Variants in MPP4 observed in about 807,000 individuals in gnomAD.
The protein encoded by MPP4 is MAGUK p55 scaffold protein 4.
A neutral mutation model predicts 98.3 loss-of-function variants in MPP4; 91 were observed. The ratio of observed to expected loss-of-function variants is 0.93; its 90% CI spans 0.78 to 1.10. The LOEUF is 1.10. Ranked by LOEUF, MPP4 falls within the 50% of genes least tolerant of loss-of-function variation. The probability of loss-of-function intolerance (pLI) is 0.00; values close to 1 mark genes in which losing one functional copy is unlikely to be tolerated. For synonymous variants in MPP4, 261 were observed against 271.8 expected, an observed-to-expected ratio of 0.96 and a Z score of 0.39; for missense variants, 744 against 792.9, an observed-to-expected ratio of 0.94 and a Z score of 0.74.
At chr2:201,675,571 A>G (rs1319506530) in intron 10 of MPP4, among the ~76,000 whole-genome samples, 1 of 152,210 alleles carries the variant, frequency 6.6e-6, no homozygotes, top group African/African-American at 2.4e-5. Flanking sequence ...GACCCGTGGT[A>G]AGCTGCCTCT....
intron 21 of MPP4, among the ~76,000 whole-genome samples, chr2:201,646,080 T>C (rs1382026877): frequency 6.6e-6 from 1 of 152,242 alleles, no homozygotes; most frequent in Non-Finnish European, 1.5e-5. Flanking sequence ...TTAGTCTTAA[T>C]GTCTCGTCAT....
intron 10 of MPP4, among the ~76,000 whole-genome samples, chr2:201,678,692 T>C (rs1382329192): frequency 6.6e-6 from 1 of 152,172 alleles, no homozygotes; most frequent in African/African-American, 2.4e-5. Flanking sequence ...CAGCACATCC[T>C]TGTGTATAGC....
At chr2:201,672,772 C>CAA (rs145673363) in intron 11 of MPP4, among the ~76,000 whole-genome samples, 165 of 151,562 alleles carry the variant, frequency 1.1e-3, no homozygotes, top group Middle Eastern at 3.4e-3. Context: ...GCCTACCAAC[C>CAA]AAAAAAAAGC....
rs1048505770 is a variant in MPP4, at chr2:201,650,582, C to G, written c.1382-417G>C. The G allele has an allele frequency of 4.4e-5, 43 of 985,256 alleles. No individual in the cohort carries two copies. The African/African-American group carries it at 7.0e-4, about 16-fold the overall frequency. 61.0% of individuals were successfully genotyped at this position (985,256 alleles called of 1,614,324 possible). On this transcript the variant is annotated intron_variant, in intron 18 of 21. Transcript: ENST00000409474. Reference sequence around the variant, plus strand: ...CTTCCACACTCTTACCTTAGGTAAACTGTTAATATCTATATTTTACTCATA... The same window carrying G: ...CTTCCACACTCTTACCTTAGGTAAAGTGTTAATATCTATATTTTACTCATA...
At chr2:201,694,382 G>C (rs2105951868) in intron 1 of MPP4, among the ~76,000 whole-genome samples, 1 of 152,066 alleles carries the variant, frequency 6.6e-6, no homozygotes, top group South Asian at 2.1e-4. Context: ...GTCTTGCGTG[G>C]ACCAGCTCCA....
chr2:201,686,124 ACTAT>A, intron 5 of MPP4, 74 bp from the exon 6 acceptor site: 7 of 1,516,642 alleles, frequency 4.6e-6, no homozygotes, highest in Middle Eastern at 1.9e-4. Flanking sequence ...GTAACTCAAT[ACTAT>A]CTAAGACACA....
At chr2:201,692,543 CA>C (rs10618429) in intron 3 of MPP4, among the ~76,000 whole-genome samples, 14,101 of 129,538 alleles carry the variant, frequency 0.11, 642 homozygotes, top group South Asian at 0.16. Context: ...GACTCTGTCT[CA>C]AAAAAAAAAA....
intron 1 of MPP4, among the ~76,000 whole-genome samples, chr2:201,695,127 C>G (rs578089415): frequency 9.2e-5 from 14 of 152,186 alleles, no homozygotes; most frequent in African/African-American, 3.4e-4. Flanking sequence ...GGCAGCCTTG[C>G]TCCACGAAGT....
At chr2:201,678,008 C>T (rs1254926337) in intron 10 of MPP4, among the ~76,000 whole-genome samples, 1 of 152,178 alleles carries the variant, frequency 6.6e-6, no homozygotes, top group Non-Finnish European at 1.5e-5. Context: ...GTCCGAGGTG[C>T]CTTCCATTAT....
At chr2:201,664,239 G>T in intron 13 of MPP4, 138 bp from the exon 14 acceptor site, 10 of 1,489,966 alleles carry the variant, frequency 6.7e-6, no homozygotes, top group South Asian at 1.2e-5. Context: ...CTAAATCAAG[G>T]TCGAATCGAT....
At chr2:201,668,446 C>T (rs1256555583) in intron 12 of MPP4, among the ~76,000 whole-genome samples, 1 of 142,564 alleles carries the variant, frequency 7.0e-6, no homozygotes, top group Non-Finnish European at 1.5e-5. Context: ...CGATCTCTCT[C>T]TCTTTCTCTT....
At position 201,675,188 on chromosome 2, in the gene MPP4, G is replaced by A. The variant is rs774171752; in HGVS notation, c.994+19C>T. ...TTATTGCAAACAGGAAGAACCTGTC[G>A]GGCAGTTGCAATACTCACATAGGGT... On this transcript the variant is annotated intron_variant, in intron 11 of 21. Coordinates refer to ENST00000409474, the MANE Select transcript of MPP4 (RefSeq NM_033066.3). 15 of 1,598,032 alleles carry A rather than the reference G, an allele frequency of 9.4e-6. No individual in the cohort carries two copies. The highest frequency in any genetic ancestry group is 6.8e-5 in the East Asian group (3 of 44,322).
Position 201,698,575 on chromosome 2 carries a change from A to C in MPP4, c.-101+12T>G. On this transcript the variant is annotated intron_variant, in intron 1 of 21. Coordinates refer to ENST00000409474, the MANE Select transcript of MPP4 (RefSeq NM_033066.3). The stretch of plus-strand genomic sequence containing the variant: ...TTCTGGTAACTGAGGATTATTTGCC[A>C]AGGTCTCTTACCTGCAAGACTGTAA... 1 of 1,303,634 alleles carries C rather than the reference A, an allele frequency of 7.7e-7. No homozygotes were observed. The highest frequency in any genetic ancestry group is 1.0e-6 in the Non-Finnish European group (1 of 988,696). 80.8% of individuals were successfully genotyped at this position (1,303,634 alleles called of 1,614,324 possible).
At chr2:201,686,960 AG>A (rs1330316716) in intron 5 of MPP4, among the ~76,000 whole-genome samples, 2 of 152,370 alleles carry the variant, frequency 1.3e-5, no homozygotes, top group African/African-American at 2.4e-5. Context: ...CACTTTGGAA[AG>A]GAAGCATGGA....
intron 20 of MPP4, 56 bp from the exon 21 acceptor site, chr2:201,647,881 G>A: frequency 6.6e-7 from 1 of 1,512,838 alleles, no homozygotes; most frequent in East Asian, 2.5e-5. Flanking sequence ...TTTGAGACAT[G>A]GTCTTGCTCT....
chr2:201,654,137 A>G (rs1032849721), intron 18 of MPP4, among the ~76,000 whole-genome samples: 12 of 152,018 alleles, frequency 7.9e-5, no homozygotes, highest in Admixed American at 7.2e-4. Flanking sequence ...CACCACACCC[A>G]GCTAATTTTT....
chr2:201,693,914 T>C lies in MPP4; in HGVS notation c.41A>G (p.Lys14Arg). ...SDKGADPPDK[K>R]DMKLSTATNP... The stretch of plus-strand genomic sequence containing the variant: ...GGTGGCTGTAGAAAGCTTCATGTCC[T>C]TCTTGTCTGGTGGATCTGCTCCTTT... Residue 14 changes from lysine (K) to arginine (R), a missense_variant, in exon 2 of 22, where the codon AAG becomes AGG. Coordinates refer to ENST00000409474, the MANE Select transcript of MPP4 (RefSeq NM_033066.3). The C allele has an allele frequency of 6.2e-7, 1 of 1,614,024 alleles. No individual in the cohort carries two copies. Among genetic ancestry groups the C allele is most frequent in the South Asian group, 1.1e-5 (1 of 91,090 alleles).
chr2:201,678,672 C>T (rs1337913499), intron 10 of MPP4, among the ~76,000 whole-genome samples: 1 of 152,122 alleles, frequency 6.6e-6, no homozygotes, highest in Non-Finnish European at 1.5e-5. Context: ...TGGCTCGCGT[C>T]ACATGGCTCC....
Position 201,654,900 on chromosome 2 carries a change from C to T in MPP4, c.1318G>A (p.Val440Ile), listed in dbSNP as rs771833495. The T allele has an allele frequency of 1.2e-6, 2 of 1,604,148 alleles. No homozygotes were observed. Among genetic ancestry groups the T allele is most frequent in the East Asian group, 4.5e-5 (2 of 44,612 alleles). ...ATAAGTTGTCTTCTGAGCTCATTTA[C>T]TCCAACACCAGAGGGTCCTAAACAC... ...IVLMGPSGVGVNELRRQLIEF... is the reference protein window; with the variant it reads ...IVLMGPSGVGINELRRQLIEF... The change falls in exon 18 of 22, where the codon GTA (valine) becomes ATA (isoleucine). Residue 440 changes from valine (V) to isoleucine (I), a missense_variant. Val to Ile is a conservative substitution (Grantham distance 29, BLOSUM62 3). Transcript: ENST00000409474.
Sources: gnomAD v4.1 joint callset for allele counts (sites outside exome capture counted in the v4.1 genomes callset) on GRCh38, gnomAD v4.1.1 for gene constraint, MANE v1.5 for transcripts, NCBI Gene and HGNC (gene_info 2026-07-23, HGNC 2026-07-21) for gene names.